SRSF3: variants seen among roughly 807,000 people sequenced by gnomAD.
The protein encoded by SRSF3 is serine and arginine rich splicing factor 3, also known as serine/arginine-rich splicing factor 3.
For synonymous variants in SRSF3, 87 were observed against 73.6 expected (o/e 1.18, Z -0.93); for missense variants, 58 against 217.1 (o/e 0.27, Z 4.61).
intron 2 of SRSF3, among the ~76,000 whole-genome samples, chr6:36,598,033 A>G (rs1369202932): frequency 1.3e-5 from 2 of 151,924 alleles, no homozygotes; most frequent in Non-Finnish European, 1.5e-5. Context: ...TTGAGGGGAG[A>G]GGGTGCTGTA....
intron 2 of SRSF3, 35 bp downstream of exon 2, chr6:36,597,003 C>T (rs761714207): frequency 1.3e-6 from 2 of 1,598,256 alleles, no homozygotes; most frequent in Non-Finnish European, 1.7e-6. Context: ...AAATGTGTTG[C>T]TTGTGTTTTT....
intron 1 of SRSF3, among the ~76,000 whole-genome samples, 198 bp from the exon 2 acceptor site, chr6:36,596,563 G>T (rs1332183326): frequency 1.4e-4 from 13 of 94,284 alleles, no homozygotes; most frequent in African/African-American, 3.9e-4. Context: ...AAAGATAATG[G>T]GGCGGGGTGG....
At chr6:36,600,229 T>A in intron 3 of SRSF3, 1 of 1,056,268 alleles carries the variant, frequency 9.5e-7, no homozygotes. Context: ...TGGCCGTCAG[T>A]CCGGCAGCCT....
chr6:36,600,793 T>C (rs1351200997), intron 3 of SRSF3: 1 of 177,108 alleles, frequency 5.6e-6, no homozygotes, highest in East Asian at 1.5e-4. Flanking sequence ...AAATACTGGT[T>C]TATGGTACTG....
chr6:36,600,462 TTA>T (rs1778693667), intron 3 of SRSF3: 3 of 213,284 alleles, frequency 1.4e-5, no homozygotes, highest in Non-Finnish European at 2.4e-5. Context: ...CAAGTGAAAC[TTA>T]TTTGCATGTG....
chr6:36,601,935 G>GTTTTTT (rs761840680), intron 5 of SRSF3, 27 bp from the exon 6 acceptor site: 15 of 1,318,900 alleles, frequency 1.1e-5, no homozygotes, highest in East Asian at 8.4e-5. Context: ...GTAATGTTTT[G>GTTTTTT]TTTTCTTTTT....
Position 36,604,469 on chromosome 6 carries a change from C to G in SRSF3, c.*2480C>G, listed in dbSNP as rs114488255. 1.4e-3 allele frequency: 253 copies of G among 182,810 alleles called. No homozygotes were observed. The highest frequency in any genetic ancestry group is 5.8e-3 in the African/African-American group (246 of 42,642). The allele number at this position is 182,810 out of a possible 1,614,324, so 11.3% of individuals were successfully genotyped here. ...TATTAAAAGGAATATTTAGTTTGATCTCTGGTTCACAGTTCATTGTGGGTT... is the reference window on the plus strand; with the variant it reads ...TATTAAAAGGAATATTTAGTTTGATGTCTGGTTCACAGTTCATTGTGGGTT... On this transcript the variant is annotated 3_prime_UTR_variant, in exon 6 of 6. Transcript: ENST00000373715.
intron 1 of SRSF3, among the ~76,000 whole-genome samples, chr6:36,595,628 G>C (rs141556529): frequency 2.6e-4 from 40 of 152,252 alleles, no homozygotes; most frequent in African/African-American, 9.1e-4. Flanking sequence ...TTAGCGTAAT[G>C]TTTTCAAGAT....
Position 36,602,304 on chromosome 6 carries a change from GT to G in SRSF3, c.*324del, listed in dbSNP as rs142053744. 0.023 allele frequency: 7,436 copies of G among 326,722 alleles called. 111 individuals are homozygous for G. Among genetic ancestry groups the G allele is most frequent in the African/African-American group, 0.039 (1,856 of 47,118 alleles). The allele number at this position is 326,722 out of a possible 1,614,324, so 20.2% of individuals were successfully genotyped here. On this transcript the variant is annotated 3_prime_UTR_variant, in exon 6 of 6. Coordinates refer to ENST00000373715, the MANE Select transcript of SRSF3 (RefSeq NM_003017.5). ...CTCTAAACCTGCCCAGCGGAAGTGT[GT>G]TTTTTTTTAAATTTAAATACAGAAA...
intron 2 of SRSF3, chr6:36,598,391 TTTTA>T (rs1416666165): frequency 2.6e-5 from 4 of 152,428 alleles, no homozygotes; most frequent in African/African-American, 7.2e-5. Context: ...AACAAGCTTA[TTTTA>T]TTTTTCAAGA....
Position 36,598,723 on chromosome 6 carries a change from T to C in SRSF3, c.207-126T>C, listed in dbSNP as rs767970828. 15 of 1,156,666 alleles carry C rather than the reference T, an allele frequency of 1.3e-5. No homozygotes were observed. The African/African-American group carries it at 1.4e-4, about 11-fold the overall frequency. 71.7% of individuals were successfully genotyped at this position (1,156,666 alleles called of 1,614,324 possible). A position where few individuals can be genotyped will look rare whatever the true frequency, so the allele number is the denominator to read the frequency against. ...TAGTAAAAATAAGGGAGCTAGAAAT[T>C]TGATGTTAAATTGCACAGACACTTA... On this transcript the variant is annotated intron_variant, in intron 2 of 5. Transcript: ENST00000373715.
chr6:36,601,840 T>C (rs756750752), intron 5 of SRSF3, 46 bp downstream of exon 5: 1 of 1,603,504 alleles, frequency 6.2e-7, no homozygotes, highest in Admixed American at 1.7e-5. Flanking sequence ...ATACATAGTA[T>C]GCTAAGGCCT....
intron 1 of SRSF3, among the ~76,000 whole-genome samples, chr6:36,595,051 A>G (rs1283960051): frequency 6.6e-6 from 1 of 152,132 alleles, no homozygotes; most frequent in Non-Finnish European, 1.5e-5. Context: ...AATTTTCACC[A>G]GTGGTTTGGT....
Position 36,601,203 on chromosome 6 carries a change from C to G in SRSF3, c.380+13C>G, listed in dbSNP as rs941050957. On this transcript the variant is annotated intron_variant, in intron 4 of 5. Transcript: ENST00000373715. ...GCAGCCGGAGCAGGTAAATGACTAC[C>G]TTTTTTGGCTACGTTCTTAGAAATG... is the stretch of plus-strand genomic sequence containing the variant. 4 of 1,613,006 alleles carry G rather than the reference C, an allele frequency of 2.5e-6. No individual in the cohort carries two copies. The highest frequency in any genetic ancestry group is 3.4e-6 in the Non-Finnish European group (4 of 1,179,554).
chr6:36,594,839 A>G (rs997869392), intron 1 of SRSF3: 2 of 151,810 alleles, frequency 1.3e-5, no homozygotes, highest in Admixed American at 1.3e-4. Flanking sequence ...GTTTTTGTAA[A>G]GTCACTAACC....
intron 1 of SRSF3, among the ~76,000 whole-genome samples, chr6:36,595,611 C>G (rs995235141): frequency 1.3e-5 from 2 of 152,154 alleles, no homozygotes; most frequent in Non-Finnish European, 2.9e-5. Context: ...TGTCTGGCTT[C>G]TTTAACTTAG....
At chr6:36,597,007 T>C in intron 2 of SRSF3, 39 bp downstream of exon 2, 2 of 1,595,074 alleles carry the variant, frequency 1.3e-6, no homozygotes, top group Non-Finnish European at 1.7e-6. Flanking sequence ...GTGTTGCTTG[T>C]GTTTTTCATA....
intron 1 of SRSF3, 78 bp from the exon 2 acceptor site, chr6:36,596,683 T>C (rs1469907951): frequency 3.1e-6 from 4 of 1,307,884 alleles, no homozygotes; most frequent in Non-Finnish European, 1.1e-6. Flanking sequence ...TCCTCTCTAA[T>C]GGAGTTCTTT....
intron 2 of SRSF3, 63 bp from the exon 3 acceptor site, chr6:36,598,786 T>G (rs1778672494): frequency 3.8e-6 from 6 of 1,581,610 alleles, no homozygotes; most frequent in African/African-American, 1.4e-5. Flanking sequence ...GAGAGTACTT[T>G]TGGCTTTAAT....
Sources: allele counts gnomAD v4.1 joint callset (sites outside exome capture counted in the v4.1 genomes callset), GRCh38; gene constraint gnomAD v4.1.1; transcripts MANE v1.5; gene names NCBI Gene and HGNC (gene_info 2026-07-23, HGNC 2026-07-21).